Variants in ZFP90 observed in about 807,000 individuals in gnomAD.
ZFP90 encodes the protein ZFP90 zinc finger protein, also known as zinc finger protein 90 homolog.
In ZFP90, 38 loss-of-function variants were observed where a neutral mutation model predicts 60.8. The ratio of observed to expected loss-of-function variants is 0.62; its 90% CI spans 0.48 to 0.82. The LOEUF (loss-of-function observed/expected upper bound fraction) is 0.82, where lower values mean the gene tolerates loss of function less well. Among genes scored for constraint, ZFP90 ranks in the 40% least tolerant of loss-of-function variants. ZFP90 has a pLI of 0.00. For missense variants in ZFP90, 711 were observed against 759.1 expected, an observed-to-expected ratio of 0.94 and a Z score of 0.74; for synonymous variants, 287 against 264.8, an observed-to-expected ratio of 1.08 and a Z score of -0.82.
Position 68,564,114 on chromosome 16 carries a change from A to C in ZFP90, c.1327A>C (p.Thr443Pro), listed in dbSNP as rs754429057. The change falls in exon 5 of 5, where the codon ACT becomes CCT. Residue 443 changes from threonine (T) to proline (P), a missense_variant. Physicochemically the swap from Thr to Pro is conservative, Grantham distance 38 (BLOSUM62 -1). Coordinates refer to ENST00000563169, the MANE Select transcript of ZFP90 (RefSeq NM_001305203.2). Reference sequence around the variant, plus strand: ...CACATCTCTCACTCAAGATGAAAGCACTCTTACCGAAGTGAAATCCTACCA... The same window carrying C: ...CACATCTCTCACTCAAGATGAAAGCCCTCTTACCGAAGTGAAATCCTACCA... ...HSTSLTQDES[T>P]LTEVKSYHCN... 5.0e-6 allele frequency: 8 copies of C among 1,613,976 alleles called. No homozygotes were observed. Among genetic ancestry groups the C allele is most frequent in the Non-Finnish European group, 5.9e-6 (7 of 1,180,006 alleles).
chr16:68,572,861 G>A (rs1053670357), intron 2 of ZFP90, among the ~76,000 whole-genome samples: 2 of 152,232 alleles, frequency 1.3e-5, no homozygotes, highest in African/African-American at 2.4e-5. Context: ...GCCCCCAACT[G>A]TCTGGAGATT....
At chr16:68,542,327 G>C (rs1436772183) in intron 2 of ZFP90, among the ~76,000 whole-genome samples, 1 of 152,014 alleles carries the variant, frequency 6.6e-6, no homozygotes, top group African/African-American at 2.4e-5. Flanking sequence ...AAAACAAAAG[G>C]GGACTGTAAT....
Position 68,564,357 on chromosome 16 carries a change from C to T in ZFP90, c.1570C>T (p.Pro524Ser). The change falls in exon 5 of 5, where the codon CCC becomes TCC. Residue 524 changes from proline (P) to serine (S), a missense_variant. Transcript: ENST00000563169. ...TCACAGAATTCATACTGGAGAGAAA[C>T]CCTATGAATGTAATGAGTGTGGAGA... ...EHHRIHTGEK[P>S]YECNECGEAF... The T allele has an allele frequency of 6.2e-7, 1 of 1,614,086 alleles. No individual in the cohort carries two copies. Among genetic ancestry groups the T allele is most frequent in the Non-Finnish European group, 8.5e-7 (1 of 1,180,004 alleles).
chr16:68,565,464 A>G lies in ZFP90; in HGVS notation c.*766A>G, dbSNP rs901605701. ...AATGTATGCAAATTTATCACAAACT[A>G]TTTAAAGCAACTTCTTGGAGGCTTA... On this transcript the variant is annotated 3_prime_UTR_variant, in exon 5 of 5. Coordinates refer to ENST00000563169, the MANE Select transcript of ZFP90 (RefSeq NM_001305203.2). The G allele has an allele frequency of 2.0e-6, 2 of 985,420 alleles. No homozygotes were observed. The highest frequency in any genetic ancestry group is 3.5e-5 in the African/African-American group (2 of 57,244). The allele number at this position is 985,420 out of a possible 1,614,324, so 61.0% of individuals were successfully genotyped here.
In ZFP90 at chr16:68,566,091, C is replaced by T; in HGVS notation, c.*1393C>T. 1 of 979,004 alleles carries T rather than the reference C, an allele frequency of 1.0e-6. No individual in the cohort carries two copies. The allele number at this position is 979,004 out of a possible 1,614,324, so 60.6% of individuals were successfully genotyped here. A position where few individuals can be genotyped will look rare whatever the true frequency, so the allele number is the denominator to read the frequency against. On this transcript the variant is annotated 3_prime_UTR_variant, in exon 5 of 5. Transcript: ENST00000563169. ...GAGACTGCAGTGAGCTGAGATCACACTACTGCATTCCAGCCTGAGCAACAG... is the reference window on the plus strand; with the variant it reads ...GAGACTGCAGTGAGCTGAGATCACATTACTGCATTCCAGCCTGAGCAACAG...
At chr16:68,559,403 A>G (rs1260137415) in intron 4 of ZFP90, among the ~76,000 whole-genome samples, 10 of 152,114 alleles carry the variant, frequency 6.6e-5, no homozygotes, top group Admixed American at 5.9e-4. Flanking sequence ...ACCCTTGCCT[A>G]TTAGAATCCA....
chr16:68,565,513 G>A lies in ZFP90; in HGVS notation c.*815G>A, dbSNP rs868479597. 2.0e-6 allele frequency: 2 copies of A among 985,480 alleles called. No homozygotes were observed. Among genetic ancestry groups the A allele is most frequent in the East Asian group, 1.1e-4 (1 of 8,954 alleles). The allele number at this position is 985,480 out of a possible 1,614,324, so 61.0% of individuals were successfully genotyped here. ...TACAAACCACAATTTAACAGAAACT[G>A]TAGATGGTTGAACTACTAGTGACTT... On this transcript the variant is annotated 3_prime_UTR_variant, in exon 5 of 5. Transcript: ENST00000563169.
chr16:68,535,822 A>G (rs2090956410), upstream of ZFP90, among the ~76,000 whole-genome samples: 1 of 152,142 alleles, frequency 6.6e-6, no homozygotes, highest in Admixed American at 6.6e-5. Context: ...TAGCTCATCA[A>G]TACATTTTAA....
intron 2 of ZFP90, chr16:68,555,284 A>G (rs971898031): frequency 6.6e-6 from 1 of 152,248 alleles, no homozygotes; most frequent in Non-Finnish European, 1.5e-5. Flanking sequence ...CACAGTGTAT[A>G]TAGTAAATCC....
At chr16:68,545,338 A>T (rs888319424) in intron 2 of ZFP90, among the ~76,000 whole-genome samples, 6 of 152,162 alleles carry the variant, frequency 3.9e-5, no homozygotes, top group African/African-American at 7.2e-5. Context: ...ATTCAGAATC[A>T]CTTAAGCCCA....
chr16:68,553,851 C>T (rs528769137), intron 2 of ZFP90, among the ~76,000 whole-genome samples: 2 of 152,204 alleles, frequency 1.3e-5, no homozygotes, highest in African/African-American at 4.8e-5. Context: ...TCTGGAACTC[C>T]TGGCCTCTAG....
Position 68,539,355 on chromosome 16 carries a change from G to A in ZFP90, c.-160G>A, listed in dbSNP as rs766875526. 5 of 199,436 alleles carry A rather than the reference G, an allele frequency of 2.5e-5. No homozygotes were observed. The Admixed American group carries it at 3.0e-4, about 12-fold the overall frequency. The allele number at this position is 199,436 out of a possible 1,614,324, so 12.4% of individuals were successfully genotyped here. A position where few individuals can be genotyped will look rare whatever the true frequency, so the allele number is the denominator to read the frequency against. On this transcript the variant is annotated 5_prime_UTR_variant, in exon 1 of 5. Coordinates refer to ENST00000563169, the MANE Select transcript of ZFP90 (RefSeq NM_001305203.2). ...CCCGGTGCGGCTGAGGCCCCTTTGGGCAGCCCCTCCGCAGATCAGAATTGG... is the reference window on the plus strand; with the variant it reads ...CCCGGTGCGGCTGAGGCCCCTTTGGACAGCCCCTCCGCAGATCAGAATTGG...
rs1307503291 is a variant in ZFP90, at chr16:68,566,340, G to A, written c.*1642G>A. On this transcript the variant is annotated 3_prime_UTR_variant, in exon 5 of 5. Transcript: ENST00000563169. ...ACACAAGAGCTGCCTCCCAAAGATA[G>A]ATAAATTTTCCCAGCCCTAAATATG... The A allele has an allele frequency of 2.0e-6, 2 of 985,228 alleles. No homozygotes were observed. The highest frequency in any genetic ancestry group is 3.5e-5 in the African/African-American group (2 of 57,084). The allele number at this position is 985,228 out of a possible 1,614,324, so 61.0% of individuals were successfully genotyped here.
At chr16:68,544,742 G>T (rs941264173) in intron 2 of ZFP90, among the ~76,000 whole-genome samples, 13 of 152,098 alleles carry the variant, frequency 8.5e-5, no homozygotes, top group African/African-American at 3.1e-4. Flanking sequence ...CTGTCCAGAG[G>T]TTCCCCTTCT....
chr16:68,538,377 A>G (rs2090978305), upstream of ZFP90, among the ~76,000 whole-genome samples: 1 of 152,212 alleles, frequency 6.6e-6, no homozygotes, highest in Non-Finnish European at 1.5e-5. Context: ...TATAAGACAT[A>G]ATTACATAAA....
intron 2 of ZFP90, chr16:68,573,854 T>C (rs1481057169): frequency 2.6e-5 from 4 of 152,308 alleles, no homozygotes; most frequent in Non-Finnish European, 5.9e-5. Flanking sequence ...CCGAAAGCCT[T>C]AGCAGCAGCT....
At chr16:68,549,521 C>CA (rs1245990308) in intron 2 of ZFP90, among the ~76,000 whole-genome samples, 8 of 151,292 alleles carry the variant, frequency 5.3e-5, no homozygotes, top group Non-Finnish European at 8.9e-5. Flanking sequence ...ACTAAAAATA[C>CA]AAAAAAAATT....
chr16:68,546,650 TAC>T (rs2091155179), intron 2 of ZFP90, among the ~76,000 whole-genome samples: 1 of 152,188 alleles, frequency 6.6e-6, no homozygotes, highest in African/African-American at 2.4e-5. Flanking sequence ...GAACTGGGAC[TAC>T]AGGCATGCGC....
At chr16:68,560,537 T>TTGATTTTA (rs149308667) in intron 4 of ZFP90, among the ~76,000 whole-genome samples, 64,077 of 146,624 alleles carry the variant, frequency 0.44, 15,070 homozygotes, top group East Asian at 0.74. Flanking sequence ...CCACACTGGA[T>TTGATTTTA]TTTATTTATT....
Sources: gnomAD v4.1 joint callset for allele counts (sites outside exome capture counted in the v4.1 genomes callset) on GRCh38, gnomAD v4.1.1 for gene constraint, MANE v1.5 for transcripts, NCBI Gene and HGNC (gene_info 2026-07-23, HGNC 2026-07-21) for gene names.